PYROXD2: variants seen among roughly 807,000 people sequenced by gnomAD.
PYROXD2 encodes pyridine nucleotide-disulphide oxidoreductase domain 2.
In PYROXD2, 69 loss-of-function variants were observed where a neutral mutation model predicts 71.1. The observed-to-expected ratio is 0.97, with a 90% CI of 0.80 to 1.19. The LOEUF (loss-of-function observed/expected upper bound fraction) is 1.19, where lower values mean the gene tolerates loss of function less well. PYROXD2 is among the 50% of genes most tolerant of loss of function. The pLI is 0.00. For synonymous variants in PYROXD2, 287 were observed against 302.7 expected, an observed-to-expected ratio of 0.95 and a Z score of 0.54; for missense variants, 745 against 748.9, an observed-to-expected ratio of 0.99 and a Z score of 0.06.
intron 13 of PYROXD2, 193 bp downstream of exon 13, chr10:98,388,161 C>G: frequency 1.7e-6 from 1 of 601,968 alleles, no homozygotes; most frequent in Non-Finnish European, 2.9e-6. Flanking sequence ...GGAACTGTGT[C>G]TTCTTGACTT....
rs931000645 is a variant in PYROXD2 at position 98,390,726 on chromosome 10, C to T, written c.1164G>A (p.Leu388=). 6.2e-7 allele frequency: 1 copy of T among 1,606,014 alleles called. No homozygotes were observed. Among genetic ancestry groups the T allele is most frequent in the Non-Finnish European group, 8.5e-7 (1 of 1,176,094 alleles). Residue 388 remains leucine (L), a synonymous_variant, in exon 12 of 16, where the codon CTG becomes CTA. Transcript: ENST00000370575. ...NVAVDRLPSF[L]AAPNAPRGQP... ...GGCCCCTGGGAGCATTGGGGGCCGCCAGGAAGCTGGGCAGCCTGTCTACGG... is the reference window on the plus strand; with the variant it reads ...GGCCCCTGGGAGCATTGGGGGCCGCTAGGAAGCTGGGCAGCCTGTCTACGG...
At chr10:98,401,274 A>AAAAAAAC (rs1346918539) in intron 4 of PYROXD2, among the ~76,000 whole-genome samples, 1 of 65,380 alleles carries the variant, frequency 1.5e-5, no homozygotes, top group African/African-American at 9.0e-5. Context: ...AAACAAAAAA[A>AAAAAAAC]AACAAACATA....
intron 1 of PYROXD2, among the ~76,000 whole-genome samples, chr10:98,412,147 T>A (rs1843808335): frequency 6.6e-6 from 1 of 152,188 alleles, no homozygotes; most frequent in South Asian, 2.1e-4. Flanking sequence ...GGGAGCTATT[T>A]GTCTTTTAAT....
rs1345160335 is a variant in PYROXD2, at chr10:98,407,819, G to C, written c.241+85C>G. 3 of 1,366,784 alleles carry C rather than the reference G, an allele frequency of 2.2e-6. No homozygotes were observed. The South Asian group carries it at 3.8e-5, about 18-fold the overall frequency. 84.7% of individuals were successfully genotyped at this position (1,366,784 alleles called of 1,614,324 possible). A position where few individuals can be genotyped will look rare whatever the true frequency, so the allele number is the denominator to read the frequency against. ...CCGTCACCCGGGGTCAGCAGGGATG[G>C]AGACCGTCACCCGGGGTCAGCAGGG... On this transcript the variant is annotated intron_variant, in intron 3 of 15. Coordinates refer to ENST00000370575, the MANE Select transcript of PYROXD2 (RefSeq NM_032709.3).
chr10:98,392,933 G>A lies in PYROXD2; in HGVS notation c.927+9C>T, dbSNP rs1338100583. 7 of 1,612,524 alleles carry A rather than the reference G, an allele frequency of 4.3e-6. No individual in the cohort carries two copies. In the African/African-American group the frequency reaches 5.3e-5, roughly 12 times the overall value. On this transcript the variant is annotated intron_variant, in intron 9 of 15. Transcript: ENST00000370575. ...CTAATAATTGGGGTGGGGTAGAGGG[G>A]CCGTTCACCTTTTCAGTGAAGATGC...
chr10:98,410,626 G>A (rs6584202), intron 2 of PYROXD2: 139,099 of 430,030 alleles, frequency 0.32, 26,272 homozygotes, highest in African/African-American at 0.59. Flanking sequence ...CTCTCATGCT[G>A]TGTTGGTTAC....
In PYROXD2 at chr10:98,405,008, A is replaced by T. The variant is rs564301043; in HGVS notation, c.315+2574T>A. ...AGAAGGTCAGTGAGGGAGGGGAGGG[A>T]GGATGGGATTGCCTCTGGCAGTGAG... On this transcript the variant is annotated intron_variant, in intron 4 of 15. Transcript: ENST00000370575. Among the ~76,000 whole-genome samples the T allele has an allele frequency of 2.0e-5, 3 of 152,096 alleles. No individual in the cohort carries two copies. In the South Asian group the frequency reaches 6.2e-4, roughly 32 times the overall value.
chr10:98,402,664 C>T (rs1191732646), intron 4 of PYROXD2, among the ~76,000 whole-genome samples: 1 of 152,240 alleles, frequency 6.6e-6, no homozygotes, highest in Non-Finnish European at 1.5e-5. Context: ...AGATCCGTGG[C>T]CTGCAACCTC....
At chr10:98,407,773 CG>C in intron 3 of PYROXD2, 118 bp from the exon 4 acceptor site, 1 of 887,132 alleles carries the variant, frequency 1.1e-6, no homozygotes, top group Non-Finnish European at 1.4e-6. Context: ...GACCGTCACC[CG>C]GGGTCAGCAG....
chr10:98,403,835 A>G (rs1028422317), intron 4 of PYROXD2, among the ~76,000 whole-genome samples: 1 of 152,078 alleles, frequency 6.6e-6, no homozygotes, highest in African/African-American at 2.4e-5. Flanking sequence ...TTCCTAGTTC[A>G]CTGCCGTACA....
Position 98,407,889 on chromosome 10 carries a change from C to T in PYROXD2, c.241+15G>A, listed in dbSNP as rs770402168. The T allele has an allele frequency of 2.5e-6, 4 of 1,595,532 alleles. No homozygotes were observed. Among genetic ancestry groups the T allele is most frequent in the Non-Finnish European group, 3.4e-6 (4 of 1,170,978 alleles). On this transcript the variant is annotated intron_variant, in intron 3 of 15. Coordinates refer to ENST00000370575, the MANE Select transcript of PYROXD2 (RefSeq NM_032709.3). Reference sequence around the variant, plus strand: ...GTCACTGCCCTCCACTCCCCCATGCCACATCAGAGCTCACCTGGGATGATC... The same window carrying T: ...GTCACTGCCCTCCACTCCCCCATGCTACATCAGAGCTCACCTGGGATGATC...
At chr10:98,390,837 G>A in intron 11 of PYROXD2, 83 bp from the exon 12 acceptor site, 2 of 1,503,090 alleles carry the variant, frequency 1.3e-6, no homozygotes. Flanking sequence ...CTCAGTGGCG[G>A]ACGGGAGTAG....
intron 1 of PYROXD2, 152 bp from the exon 2 acceptor site, chr10:98,411,110 A>C: frequency 9.5e-6 from 10 of 1,054,482 alleles, no homozygotes; most frequent in Non-Finnish European, 1.4e-5. Flanking sequence ...AGATGTTGGA[A>C]CAGCATCTAG....
intron 2 of PYROXD2, among the ~76,000 whole-genome samples, chr10:98,408,839 G>C (rs1843695006): frequency 6.6e-6 from 1 of 152,198 alleles, no homozygotes; most frequent in Admixed American, 6.5e-5. Context: ...GAAGCAGTGA[G>C]TACATTGTCT....
At position 98,392,542 on chromosome 10, in the gene PYROXD2, T is replaced by C; in HGVS notation, c.952A>G (p.Ser318Gly). ...ACAACTCCTTGAACACAGCCTTCAC[T>C]GTTCACCTGCACCTTCGCCACTGTC... Reference protein sequence around the residue: ...EKTVAKVQVNSEGCVQGVVLE... With the variant: ...EKTVAKVQVNGEGCVQGVVLE... Residue 318 changes from serine to glycine, a missense_variant, in exon 10 of 16, where the codon AGT becomes GGT. Transcript: ENST00000370575. 6.2e-7 allele frequency: 1 copy of C among 1,612,806 alleles called. No individual in the cohort carries two copies. The highest frequency in any genetic ancestry group is 8.5e-7 in the Non-Finnish European group (1 of 1,180,020).
intron 5 of PYROXD2, 53 bp downstream of exon 5, chr10:98,400,049 C>G: frequency 6.3e-7 from 1 of 1,588,824 alleles, no homozygotes; most frequent in South Asian, 1.1e-5. Context: ...CAACCAGGCC[C>G]ATCTCTAGGC....
intron 15 of PYROXD2, among the ~76,000 whole-genome samples, chr10:98,384,477 C>A (rs1842687229): frequency 6.6e-6 from 1 of 152,156 alleles, no homozygotes; most frequent in Non-Finnish European, 1.5e-5. Flanking sequence ...ATTAGCCAGG[C>A]ATGGTGGCAC....
At chr10:98,399,157 A>C (rs778256242) in intron 5 of PYROXD2, among the ~76,000 whole-genome samples, 2 of 151,730 alleles carry the variant, frequency 1.3e-5, no homozygotes, top group Non-Finnish European at 2.9e-5. Context: ...AAATAAAATA[A>C]AATAACAAAA....
chr10:98,396,807 G>C (rs997966416), intron 6 of PYROXD2, among the ~76,000 whole-genome samples: 4 of 152,276 alleles, frequency 2.6e-5, no homozygotes. Flanking sequence ...CTGGCACCAG[G>C]GCAGGGCACT....
Sources: allele counts gnomAD v4.1 joint callset (sites outside exome capture counted in the v4.1 genomes callset), GRCh38; gene constraint gnomAD v4.1.1; transcripts MANE v1.5; gene names NCBI Gene and HGNC (gene_info 2026-07-23, HGNC 2026-07-21).